The following EGF variants were observed in gnomAD, a reference collection of about 807,000 sequenced individuals.
EGF encodes the protein epidermal growth factor.
Under a neutral mutation model 143.8 loss-of-function variants are expected in EGF, and 95 were observed. That is an observed-to-expected ratio of 0.66 (90% CI 0.56 to 0.78). The LOEUF is 0.78. Ranked by LOEUF, EGF falls within the 30% of genes least tolerant of loss-of-function variation. The pLI is 0.00. For synonymous variants in EGF, 510 were observed against 510.5 expected (o/e 1.00, Z 0.01); for missense variants, 1,320 against 1,470.9 (o/e 0.90, Z 1.68).
At chr4:109,917,042 T>A (rs1225710364) in intron 1 of EGF, among the ~76,000 whole-genome samples, 1 of 152,186 alleles carries the variant, frequency 6.6e-6, no homozygotes, top group Non-Finnish European at 1.5e-5. Context: ...TACCAACTGA[T>A]AAAAAATTTC....
chr4:109,968,707 T>TCTATCTACCTACCTAC (rs139653683), intron 10 of EGF: 106 of 351,456 alleles, frequency 3.0e-4, no homozygotes, highest in African/African-American at 6.1e-4. Context: ...TATCTATCTA[T>TCTATCTACCTACCTAC]CTACCTACCT....
intron 22 of EGF, among the ~76,000 whole-genome samples, chr4:110,006,350 C>T (rs1225977863): frequency 6.6e-6 from 1 of 151,810 alleles, no homozygotes; most frequent in East Asian, 1.9e-4. Flanking sequence ...TTCTCTAAAG[C>T]ATGAGAAAGA....
Position 109,999,687 on chromosome 4 carries a change from T to C in EGF, c.3014T>C (p.Val1005Ala), listed in dbSNP as rs778765935. The change falls in exon 21 of 24, where the codon GTT (valine) becomes GCT (alanine). Residue 1005 changes from valine to alanine, a missense_variant. Val to Ala is a moderately conservative substitution (Grantham distance 64). Around this residue, in one of 5 missense-constraint regions of EGF, gnomAD observed 1,186 missense variants for 1,313.7 expected, o/e 0.90. Transcript: ENST00000265171. Reference sequence around the variant, plus strand: ...TTTGTGTGTTGTCACAGCTGTGTTGTTGGCTACATCGGGGAGCGATGTCAG... The same window carrying C: ...TTTGTGTGTTGTCACAGCTGTGTTGCTGGCTACATCGGGGAGCGATGTCAG... ...ALDKYACNCV[V>A]GYIGERCQYR... The C allele has an allele frequency of 3.1e-5, 50 of 1,614,068 alleles. No homozygotes were observed. The highest frequency in any genetic ancestry group is 6.6e-5 in the South Asian group (6 of 91,084).
intron 22 of EGF, among the ~76,000 whole-genome samples, chr4:110,007,664 C>A (rs1246043352): frequency 3.9e-5 from 6 of 152,176 alleles, no homozygotes; most frequent in African/African-American, 7.2e-5. Flanking sequence ...GCAAAATTGT[C>A]ATTGCACTGG....
At chr4:109,920,358 G>A (rs1343887386) in intron 1 of EGF, among the ~76,000 whole-genome samples, 1 of 151,598 alleles carries the variant, frequency 6.6e-6, no homozygotes, top group Admixed American at 6.5e-5. Context: ...CTCAATAGCT[G>A]GAAATGACTG....
rs1278812493 is a variant in EGF at position 109,943,364 on chromosome 4, A to AG, written c.440dup (p.Asn148LysfsTer2). ...GAATCATTACAGTAACAGATATGAA[A>AG]GGAAATAATTCCCACATTCTTTTAA... On this transcript the variant is annotated frameshift_variant, in exon 3 of 24. Coordinates refer to ENST00000265171, the MANE Select transcript of EGF (RefSeq NM_001963.6). LOFTEE classifies it high-confidence loss of function. 1 of 1,613,716 alleles carries AG rather than the reference A, an allele frequency of 6.2e-7. No individual in the cohort carries two copies. Among genetic ancestry groups the AG allele is most frequent in the South Asian group, 1.1e-5 (1 of 91,010 alleles).
chr4:109,913,277 G>A lies in EGF; in HGVS notation c.-59G>A, dbSNP rs972714436. ...GGGGTCAATCATACTCACCTTGCCC[G>A]GGCCATGCTCCAGCAAAATCAAGCT... On this transcript the variant is annotated 5_prime_UTR_variant, in exon 1 of 24. Coordinates refer to ENST00000265171, the MANE Select transcript of EGF (RefSeq NM_001963.6). 40 of 1,607,042 alleles carry A rather than the reference G, an allele frequency of 2.5e-5. No individual in the cohort carries two copies. The highest frequency in any genetic ancestry group is 1.3e-4 in the Admixed American group (8 of 59,782).
At chr4:109,984,162 A>G (rs1749787283) in intron 16 of EGF, among the ~76,000 whole-genome samples, 1 of 152,054 alleles carries the variant, frequency 6.6e-6, no homozygotes, top group African/African-American at 2.4e-5. Flanking sequence ...ACTTTAGGTC[A>G]CTGCCCTTCA....
rs1031073058 is a variant in EGF, at chr4:110,012,458, C to G, written c.*1003C>G. 4.6e-5 allele frequency among the ~76,000 whole-genome samples: 7 copies of G among 151,852 alleles called. No individual in the cohort carries two copies. The highest frequency in any genetic ancestry group is 7.4e-5 in the Non-Finnish European group (5 of 67,984). On this transcript the variant is annotated 3_prime_UTR_variant, in exon 24 of 24. Coordinates refer to ENST00000265171, the MANE Select transcript of EGF (RefSeq NM_001963.6). ...GCACAATCATAGCTCAGTGCAGCCT[C>G]AAACTCCTGGGCTCAAGCAATCCTC...
At position 110,004,208 on chromosome 4, in the gene EGF, G is replaced by GCATA. The variant is rs147638944; in HGVS notation, c.3174-290_3174-287dup. On this transcript the variant is annotated intron_variant, in intron 21 of 23. Transcript: ENST00000265171. The stretch of plus-strand genomic sequence containing the variant: ...AGGCTATTCCCCCCAACATACATGG[G>GCATA]CATACATACACACACACACACACAC... 2,357 of 380,038 alleles carry GCATA rather than the reference G, an allele frequency of 6.2e-3. 10 individuals are homozygous for GCATA. The highest frequency in any genetic ancestry group is 0.037 in the African/African-American group (1,172 of 31,752). 23.5% of individuals were successfully genotyped at this position (380,038 alleles called of 1,614,324 possible). A position where few individuals can be genotyped will look rare whatever the true frequency, so the allele number is the denominator to read the frequency against.
At chr4:110,003,639 G>A (rs944787879) in intron 21 of EGF, among the ~76,000 whole-genome samples, 4 of 152,130 alleles carry the variant, frequency 2.6e-5, no homozygotes, top group African/African-American at 9.7e-5. Flanking sequence ...TCTCACAGAT[G>A]CACTGCTCTA....
chr4:109,961,231 C>T (rs989812333), intron 7 of EGF, among the ~76,000 whole-genome samples: 1 of 152,012 alleles, frequency 6.6e-6, no homozygotes, highest in Non-Finnish European at 1.5e-5. Context: ...TGGCCCATGC[C>T]AGTGGTCCCA....
At chr4:109,976,322 C>CA in intron 13 of EGF, 87 bp downstream of exon 13, 3 of 1,147,400 alleles carry the variant, frequency 2.6e-6, no homozygotes, top group Non-Finnish European at 2.6e-6. Flanking sequence ...CACACACATA[C>CA]CACTTAGCCG....
intron 20 of EGF, 133 bp downstream of exon 20, chr4:109,995,013 A>ACGTGGTTCATATGTG: frequency 5.5e-6 from 6 of 1,087,324 alleles, no homozygotes; most frequent in Non-Finnish European, 8.2e-6. Context: ...AAACATACAC[A>ACGTGGTTCATATGTG]TATGAACCAC....
At chr4:109,944,104 G>A (rs1742398787) in intron 4 of EGF, 35 bp downstream of exon 4, 1 of 1,582,638 alleles carries the variant, frequency 6.3e-7, no homozygotes, top group African/African-American at 1.3e-5. Flanking sequence ...TAAAACAATT[G>A]TCATTTGAAG....
At chr4:109,958,723 T>A (rs1258636142) in intron 5 of EGF, among the ~76,000 whole-genome samples, 1 of 151,512 alleles carries the variant, frequency 6.6e-6, no homozygotes, top group Non-Finnish European at 1.5e-5. Context: ...GAGGTAGGAG[T>A]TCGAGACCAG....
intron 5 of EGF, among the ~76,000 whole-genome samples, chr4:109,952,849 C>G (rs1744169469): frequency 6.6e-6 from 1 of 152,176 alleles, no homozygotes; most frequent in African/African-American, 2.4e-5. Context: ...TGAAATTGCT[C>G]TTTATCATTT....
chr4:110,004,185 G>A, intron 21 of EGF: 5 of 390,128 alleles, frequency 1.3e-5, no homozygotes, highest in East Asian at 1.3e-4. Context: ...TGAATGCAAG[G>A]CTATTCCCCC....
At chr4:109,952,889 A>C (rs574545889) in intron 5 of EGF, among the ~76,000 whole-genome samples, 1 of 152,300 alleles carries the variant, frequency 6.6e-6, no homozygotes, top group East Asian at 1.9e-4. Flanking sequence ...GCTGGCTCTC[A>C]CATCTTGCAG....
Sources: allele counts gnomAD v4.1 joint callset (sites outside exome capture counted in the v4.1 genomes callset), GRCh38; gene constraint gnomAD v4.1.1; regional missense constraint gnomAD v4.1.1; transcripts MANE v1.5; gene names NCBI Gene and HGNC (gene_info 2026-07-23, HGNC 2026-07-21).